PXDNL: variants seen among roughly 807,000 people sequenced by gnomAD.
PXDNL encodes probable oxidoreductase PXDNL.
A neutral mutation model predicts 150.8 loss-of-function variants in PXDNL; 145 were observed. That is an observed-to-expected ratio of 0.96 (90% CI 0.84 to 1.10). The LOEUF is 1.10. PXDNL is among the 50% of genes least tolerant of loss of function. The probability of loss-of-function intolerance (pLI) is 0.00; values close to 1 mark genes in which losing one functional copy is unlikely to be tolerated. For missense variants in PXDNL, 2,087 were observed against 1,873.9 expected (o/e 1.11, Z -2.10); for synonymous variants, 757 against 725.7 (o/e 1.04, Z -0.69).
At chr8:51,536,608 A>G (rs1276609832) in intron 4 of PXDNL, among the ~76,000 whole-genome samples, 1 of 150,252 alleles carries the variant, frequency 6.7e-6, no homozygotes, top group Non-Finnish European at 1.5e-5. Context: ...AGTTTTTTCA[A>G]TATCCCAAGT....
intron 2 of PXDNL, among the ~76,000 whole-genome samples, chr8:51,633,201 G>C (rs1814528205): frequency 6.6e-6 from 1 of 152,136 alleles, no homozygotes; most frequent in South Asian, 2.1e-4. Context: ...AGCTCCAGCT[G>C]CATCCACGTT....
At chr8:51,625,523 A>G (rs563770015) in intron 2 of PXDNL, among the ~76,000 whole-genome samples, 1 of 152,314 alleles carries the variant, frequency 6.6e-6, no homozygotes, top group African/African-American at 2.4e-5. Flanking sequence ...AAAATACACG[A>G]TAATTTCATT....
chr8:51,470,256 G>C (rs1370693927), intron 8 of PXDNL, among the ~76,000 whole-genome samples: 2 of 152,020 alleles, frequency 1.3e-5, no homozygotes, highest in Non-Finnish European at 2.9e-5. Flanking sequence ...AGATTTAATA[G>C]TATTCATAAT....
chr8:51,508,807 C>G (rs995102264), intron 4 of PXDNL, among the ~76,000 whole-genome samples: 2 of 152,230 alleles, frequency 1.3e-5, no homozygotes, highest in African/African-American at 4.8e-5. Flanking sequence ...GTGTGCAAAT[C>G]TGCAGTCCTG....
chr8:51,636,351 A>G (rs1814602453), intron 2 of PXDNL, among the ~76,000 whole-genome samples: 1 of 152,174 alleles, frequency 6.6e-6, no homozygotes, highest in African/African-American at 2.4e-5. Context: ...TAGCCAGAGC[A>G]GTTAGGCAAT....
chr8:51,682,584 C>T (rs1042966906), intron 1 of PXDNL, among the ~76,000 whole-genome samples: 3 of 152,170 alleles, frequency 2.0e-5, no homozygotes, highest in Non-Finnish European at 4.4e-5. Flanking sequence ...CAGCCTCATG[C>T]CACTTATTCT....
At chr8:51,610,115 G>T (rs999972432) in intron 2 of PXDNL, among the ~76,000 whole-genome samples, 1 of 152,080 alleles carries the variant, frequency 6.6e-6, no homozygotes, top group African/African-American at 2.4e-5. Flanking sequence ...AGAAAAGAGA[G>T]CACAAGAATT....
At chr8:51,712,677 G>A (rs1312151869) in intron 1 of PXDNL, among the ~76,000 whole-genome samples, 1 of 152,084 alleles carries the variant, frequency 6.6e-6, no homozygotes, top group African/African-American at 2.4e-5. Flanking sequence ...AGCTTCTATA[G>A]TATAAGAAAA....
At chr8:51,369,593 TA>T (rs1807031477) in intron 19 of PXDNL, among the ~76,000 whole-genome samples, 1 of 152,152 alleles carries the variant, frequency 6.6e-6, no homozygotes, top group African/African-American at 2.4e-5. Context: ...ACATCAGGCA[TA>T]TTCATATCTT....
intron 19 of PXDNL, among the ~76,000 whole-genome samples, chr8:51,359,719 C>G (rs1450546669): frequency 6.6e-6 from 1 of 152,140 alleles, no homozygotes; most frequent in East Asian, 1.9e-4. Flanking sequence ...TAAGCATATT[C>G]TGCTCTAATT....
At chr8:51,372,123 G>A (rs1209638315) in intron 18 of PXDNL, 42 bp from the exon 19 acceptor site, 9 of 1,458,326 alleles carry the variant, frequency 6.2e-6, no homozygotes, top group Non-Finnish European at 8.4e-6. Context: ...TGGGTCTGTG[G>A]CCTGAGAACT....
At chr8:51,748,928 C>T (rs548680994) in intron 1 of PXDNL, among the ~76,000 whole-genome samples, 198 of 152,308 alleles carry the variant, frequency 1.3e-3, no homozygotes, top group African/African-American at 4.4e-3. Context: ...ATTTAAGAAA[C>T]TCAATTTATT....
At chr8:51,520,113 G>T (rs533366314) in intron 4 of PXDNL, among the ~76,000 whole-genome samples, 2 of 152,248 alleles carry the variant, frequency 1.3e-5, no homozygotes, top group African/African-American at 4.8e-5. Flanking sequence ...GAATGCCGGG[G>T]AATCTGTGGG....
chr8:51,416,512 G>T (rs1455457125), intron 14 of PXDNL, among the ~76,000 whole-genome samples: 1 of 152,224 alleles, frequency 6.6e-6, no homozygotes, highest in Non-Finnish European at 1.5e-5. Flanking sequence ...GCCTTGCTCA[G>T]CACAGAGCTC....
chr8:51,582,871 G>A (rs1454924374), intron 3 of PXDNL, among the ~76,000 whole-genome samples: 2 of 151,340 alleles, frequency 1.3e-5, no homozygotes, highest in Non-Finnish European at 1.5e-5. Flanking sequence ...AGCAGTGCCA[G>A]CTTTCACTCT....
intron 1 of PXDNL, among the ~76,000 whole-genome samples, chr8:51,798,308 T>C (rs1214794284): frequency 6.6e-6 from 1 of 152,010 alleles, no homozygotes; most frequent in Admixed American, 6.6e-5. Context: ...CAAAAGCAAT[T>C]GCAACAAAAG....
Position 51,455,641 on chromosome 8 carries a change from A to G in PXDNL, c.983-1856T>C, listed in dbSNP as rs149595571. The stretch of plus-strand genomic sequence containing the variant: ...AAAAGAGAATTGAGGACATTAGGAA[A>G]GGATCAAGAGGAAGTCGTGTTCTCA... On this transcript the variant is annotated intron_variant, in intron 9 of 22. Coordinates refer to ENST00000356297, the MANE Select transcript of PXDNL (RefSeq NM_144651.5). 1.0e-3 allele frequency among the ~76,000 whole-genome samples: 153 copies of G among 152,296 alleles called. 1 individual carries two copies. The highest frequency in any genetic ancestry group is 3.4e-3 in the African/African-American group (140 of 41,568).
At chr8:51,401,426 G>A (rs1017643208) in intron 17 of PXDNL, among the ~76,000 whole-genome samples, 1 of 152,190 alleles carries the variant, frequency 6.6e-6, no homozygotes, top group Non-Finnish European at 1.5e-5. Flanking sequence ...GCAGAGACTA[G>A]AGATGAAGAC....
chr8:51,663,480 T>C lies in PXDNL; in HGVS notation c.165-8720A>G, dbSNP rs112129469. 5.5e-3 allele frequency among the ~76,000 whole-genome samples: 831 copies of C among 152,296 alleles called. 7 individuals carry two copies. The highest frequency in any genetic ancestry group is 0.036 in the South Asian group (175 of 4,828). On this transcript the variant is annotated intron_variant, in intron 1 of 22. Coordinates refer to ENST00000356297, the MANE Select transcript of PXDNL (RefSeq NM_144651.5). ...GCTTACAAACACCCTTTATTTCCTC[T>C]AATGAACTGACATTGACCGAGTTAA...
Sources: allele counts gnomAD v4.1 joint callset (sites outside exome capture counted in the v4.1 genomes callset), GRCh38; gene constraint gnomAD v4.1.1; transcripts MANE v1.5; gene names NCBI Gene and HGNC (gene_info 2026-07-23, HGNC 2026-07-21).